Variants in AGAP1 observed in about 807,000 individuals in gnomAD.
The protein encoded by AGAP1 is arf-GAP with GTPase, ANK repeat and PH domain-containing protein 1.
AGAP1 carries 29 observed loss-of-function variants against 105.3 expected under a neutral mutation model. That is an observed-to-expected ratio of 0.28 (90% confidence interval 0.21 to 0.38). AGAP1 has a LOEUF of 0.38. Ranked by LOEUF, AGAP1 falls within the 10% of genes least tolerant of loss-of-function variation. AGAP1 has a pLI of 1.00. For missense variants in AGAP1, 998 were observed against 1,165.1 expected, an observed-to-expected ratio of 0.86 and a Z score of 2.09; for synonymous variants, 509 against 485.9, an observed-to-expected ratio of 1.05 and a Z score of -0.63.
rs1275953451 is a variant in AGAP1 at position 236,080,169 on chromosome 2, G to A, written c.2114+30888G>A. Among the ~76,000 whole-genome samples the A allele has an allele frequency of 6.6e-6, 1 of 152,186 alleles. No homozygotes were observed. Among genetic ancestry groups the A allele is most frequent in the Non-Finnish European group, 1.5e-5 (1 of 68,042 alleles). On this transcript the variant is annotated intron_variant, in intron 16 of 17. Transcript: ENST00000304032. This position sits in a 1 kb window ranked among gnomAD's most constrained non-coding sequence, Gnocchi z 4.2. ...AAGCACATTTGCCCTGTGCTCTGGA[G>A]GGAGATGCTATCTCCATCATCCAAG...
Position 235,686,644 on chromosome 2 carries a change from TAGATATATATATA to T in AGAP1, c.164-22534_164-22522del, listed in dbSNP as rs1559350886. ...AGATATATATATATATATATATATA[TAGATATATATATA>T]TATATATATTTTTTTTTTTTTTTAG... On this transcript the variant is annotated intron_variant, in intron 1 of 17. Coordinates refer to ENST00000304032, the MANE Select transcript of AGAP1 (RefSeq NM_001037131.3). Among the ~76,000 whole-genome samples, 168 of 51,792 alleles carry T rather than the reference TAGATATATATATA, an allele frequency of 3.2e-3. 7 individuals carry two copies. Among genetic ancestry groups the T allele is most frequent in the African/African-American group, 0.014 (156 of 11,466 alleles). The allele number at this position is 51,792 out of a possible 152,430, so 34.0% of individuals were successfully genotyped here.
intron 1 of AGAP1, among the ~76,000 whole-genome samples, chr2:235,686,925 A>C (rs1407218547): frequency 6.6e-6 from 1 of 151,258 alleles, no homozygotes; most frequent in African/African-American, 2.4e-5. Context: ...CTGCCTCCCA[A>C]ATGTTGGGAT....
At position 235,662,381 on chromosome 2, in the gene AGAP1, G is replaced by A. The variant is rs1343765658; in HGVS notation, c.164-46798G>A. 1.3e-5 allele frequency among the ~76,000 whole-genome samples: 2 copies of A among 152,178 alleles called. No homozygotes were observed. The highest frequency in any genetic ancestry group is 3.9e-4 in the East Asian group (2 of 5,194). On this transcript the variant is annotated intron_variant, in intron 1 of 17. Transcript: ENST00000304032. This position sits in a 1 kb window ranked among gnomAD's most constrained non-coding sequence, Gnocchi z 4.2. The stretch of plus-strand genomic sequence containing the variant: ...TGTAACCAACCAGGTCTCACCTTCA[G>A]CCACACTCCTAGGGACAGAGTGCGT...
chr2:235,863,437 A>G (rs2049019055), intron 9 of AGAP1, among the ~76,000 whole-genome samples: 1 of 152,232 alleles, frequency 6.6e-6, no homozygotes, highest in Admixed American at 6.5e-5. Flanking sequence ...AACCTTCAAA[A>G]TCTGGTGTGT....
rs1027752185 is a variant in AGAP1 at position 235,874,098 on chromosome 2, G to A, written c.1051-9247G>A. Among the ~76,000 whole-genome samples, 21 of 150,174 alleles carry A rather than the reference G, an allele frequency of 1.4e-4. No homozygotes were observed. Among genetic ancestry groups the A allele is most frequent in the East Asian group, 2.0e-4 (1 of 5,012 alleles). ...TTTTGAGACAGGGTCTTGCTCTGTCGCCAGGCTGGAGTGCAGTGGCGTGAT... is the reference window on the plus strand; with the variant it reads ...TTTTGAGACAGGGTCTTGCTCTGTCACCAGGCTGGAGTGCAGTGGCGTGAT... On this transcript the variant is annotated intron_variant, in intron 9 of 17. Coordinates refer to ENST00000304032, the MANE Select transcript of AGAP1 (RefSeq NM_001037131.3). This position sits in a 1 kb window ranked among gnomAD's most constrained non-coding sequence, Gnocchi z 4.5.
In AGAP1 at chr2:235,963,938, G is replaced by A. The variant is rs988656451; in HGVS notation, c.1484-4524G>A. Among the ~76,000 whole-genome samples the A allele has an allele frequency of 1.4e-5, 2 of 145,306 alleles. No individual in the cohort carries two copies. The highest frequency in any genetic ancestry group is 1.3e-4 in the Admixed American group (2 of 15,200). ...GTGTTCTGAGTGTCTTCGAAATAGC[G>A]GTGTACACTCATAAAAACAACCGCT... is the stretch of plus-strand genomic sequence containing the variant. On this transcript the variant is annotated intron_variant, in intron 12 of 17. Transcript: ENST00000304032. The surrounding 1 kb of genome is among the most constrained non-coding windows in gnomAD (Gnocchi z 5.1).
chr2:235,957,071 A>G lies in AGAP1; in HGVS notation c.1484-11391A>G, dbSNP rs1170795600. Among the ~76,000 whole-genome samples, 1 of 152,232 alleles carries G rather than the reference A, an allele frequency of 6.6e-6. No homozygotes were observed. The highest frequency in any genetic ancestry group is 2.4e-5 in the African/African-American group (1 of 41,458). Reference sequence around the variant, plus strand: ...CAGGTGCAATGCAGTAGTTTTTAGTATCTCACAGATACCTGCAACCATCAC... The same window carrying G: ...CAGGTGCAATGCAGTAGTTTTTAGTGTCTCACAGATACCTGCAACCATCAC... On this transcript the variant is annotated intron_variant, in intron 12 of 17. Coordinates refer to ENST00000304032, the MANE Select transcript of AGAP1 (RefSeq NM_001037131.3). This position sits in a 1 kb window ranked among gnomAD's most constrained non-coding sequence, Gnocchi z 4.6.
intron 9 of AGAP1, among the ~76,000 whole-genome samples, chr2:235,860,474 A>G (rs1294959350): frequency 6.6e-6 from 1 of 152,148 alleles, no homozygotes; most frequent in African/African-American, 2.4e-5. Flanking sequence ...CTCACATCAC[A>G]GATACGTATT....
At chr2:235,597,628 C>T (rs563610088) in intron 1 of AGAP1, among the ~76,000 whole-genome samples, 1 of 152,310 alleles carries the variant, frequency 6.6e-6, no homozygotes, top group African/African-American at 2.4e-5. Context: ...AGCACGCCCT[C>T]GAATGACATG....
chr2:235,791,090 A>G (rs552616969), intron 6 of AGAP1, among the ~76,000 whole-genome samples: 3 of 152,354 alleles, frequency 2.0e-5, no homozygotes, highest in Non-Finnish European at 4.4e-5. Flanking sequence ...ATGAAAACAC[A>G]TTTAGGAGAT....
rs1952564092 is a variant in AGAP1 at position 235,741,239 on chromosome 2, A to G, written c.396+191A>G. ...TCTTTTTTTATTTTTTTCCCAGACT[A>G]AATCCTGCAGGGAAGTTGGGTTTAT... On this transcript the variant is annotated intron_variant, in intron 4 of 17. Coordinates refer to ENST00000304032, the MANE Select transcript of AGAP1 (RefSeq NM_001037131.3). The surrounding 1 kb of genome is among the most constrained non-coding windows in gnomAD (Gnocchi z 4.9). Among the ~76,000 whole-genome samples, 1 of 152,102 alleles carries G rather than the reference A, an allele frequency of 6.6e-6. No individual in the cohort carries two copies. Among genetic ancestry groups the G allele is most frequent in the Non-Finnish European group, 1.5e-5 (1 of 68,020 alleles).
intron 13 of AGAP1, among the ~76,000 whole-genome samples, chr2:236,026,677 T>C (rs1394402900): frequency 1.3e-5 from 2 of 152,030 alleles, no homozygotes; most frequent in Non-Finnish European, 2.9e-5. Context: ...TGCAGTGAGC[T>C]GAGATCATGC....
At position 236,075,223 on chromosome 2, in the gene AGAP1, A is replaced by G. The variant is rs758926305; in HGVS notation, c.2114+25942A>G. 4.6e-5 allele frequency among the ~76,000 whole-genome samples: 7 copies of G among 152,210 alleles called. No homozygotes were observed. In the South Asian group the frequency reaches 6.2e-4, roughly 14 times the overall value. Reference sequence around the variant, plus strand: ...TTCAGGGGTGGCAGAAACGTTCTAAACCAGATTCTGGTGATGGTTGCGCGC... The same window carrying G: ...TTCAGGGGTGGCAGAAACGTTCTAAGCCAGATTCTGGTGATGGTTGCGCGC... On this transcript the variant is annotated intron_variant, in intron 16 of 17. Transcript: ENST00000304032.
At chr2:235,943,602 G>A (rs1174763680) in intron 12 of AGAP1, among the ~76,000 whole-genome samples, 4 of 152,036 alleles carry the variant, frequency 2.6e-5, no homozygotes, top group Admixed American at 2.0e-4. Flanking sequence ...CACCTGCCTC[G>A]GCCTCCCAAA....
chr2:235,696,559 T>C (rs1427196260), intron 1 of AGAP1, among the ~76,000 whole-genome samples: 3 of 152,202 alleles, frequency 2.0e-5, no homozygotes, highest in Non-Finnish European at 2.9e-5. Flanking sequence ...ATGGTCCGTG[T>C]GGGTCAGCCG....
chr2:235,494,761 C>T lies in AGAP1; in HGVS notation c.75C>T (p.Pro25=), dbSNP rs1262807699. ...AEIQRFESVH[P]NIYSIYELLE... The stretch of plus-strand genomic sequence containing the variant: ...TCCAGCGCTTCGAGTCGGTCCACCC[C>T]AACATCTACTCCATCTACGAGCTGC... Residue 25 remains proline, a synonymous_variant, in exon 1 of 18, where the codon CCC becomes CCT. Transcript: ENST00000304032. The T allele has an allele frequency of 1.9e-6, 3 of 1,577,636 alleles. No individual in the cohort carries two copies. The highest frequency in any genetic ancestry group is 1.8e-5 in the Admixed American group (1 of 56,320).
rs1049538986 is a variant in AGAP1, at chr2:236,104,873, C to T, written c.2115-15319C>T. Among the ~76,000 whole-genome samples the T allele has an allele frequency of 6.6e-6, 1 of 151,942 alleles. No homozygotes were observed. The highest frequency in any genetic ancestry group is 1.5e-5 in the Non-Finnish European group (1 of 67,988). On this transcript the variant is annotated intron_variant, in intron 16 of 17. Transcript: ENST00000304032. This position sits in a 1 kb window ranked among gnomAD's most constrained non-coding sequence, Gnocchi z 4.7. The stretch of plus-strand genomic sequence containing the variant: ...CAAGTTCATGCCACTGCACTGCAGC[C>T]TGGGCTACAGAGCGAGACTCTGTCT...
rs2058698732 is a variant in AGAP1, at chr2:236,078,368, C to T, written c.2114+29087C>T. ...AGGATAATTGCCTTTGTTTGGAGTC[C>T]ATGGACTATAAGTGACATCTACAAA... On this transcript the variant is annotated intron_variant, in intron 16 of 17. Transcript: ENST00000304032. This position sits in a 1 kb window ranked among gnomAD's most constrained non-coding sequence, Gnocchi z 5.3. Among the ~76,000 whole-genome samples, 1 of 152,068 alleles carries T rather than the reference C, an allele frequency of 6.6e-6. No individual in the cohort carries two copies.
chr2:235,941,111 TGCCCCTTAAGACAGA>T (rs1476725879), intron 12 of AGAP1, among the ~76,000 whole-genome samples: 1 of 152,230 alleles, frequency 6.6e-6, no homozygotes, highest in African/African-American at 2.4e-5. Context: ...CCAGTGCTGG[TGCCCCTTAAGACAGA>T]GCATGTTGGT....
Sources: allele counts gnomAD v4.1 joint callset (sites outside exome capture counted in the v4.1 genomes callset), GRCh38; gene constraint gnomAD v4.1.1; non-coding constraint Gnocchi (gnomAD v3.1); transcripts MANE v1.5; gene names NCBI Gene and HGNC (gene_info 2026-07-23, HGNC 2026-07-21).